The following FGF11 variants were observed in gnomAD, a reference collection of about 807,000 sequenced individuals.
The protein encoded by FGF11 is fibroblast growth factor 11.
Under a neutral mutation model 25.1 loss-of-function variants are expected in FGF11, and 25 were observed. The observed-to-expected ratio is 1.00, with a 90% CI of 0.73 to 1.39. The LOEUF is 1.39. Ranked by LOEUF, FGF11 falls within the 40% of genes most tolerant of loss-of-function variation. FGF11 has a pLI of 0.00. For synonymous variants in FGF11, 130 were observed against 128.9 expected, an observed-to-expected ratio of 1.01 and a Z score of -0.06; for missense variants, 320 against 311.0, an observed-to-expected ratio of 1.03 and a Z score of -0.22.
rs900457103 is a variant in FGF11, at chr17:7,443,228, C to T, written c.*82C>T. 11 of 871,150 alleles carry T rather than the reference C, an allele frequency of 1.3e-5. No homozygotes were observed. The highest frequency in any genetic ancestry group is 9.0e-5 in the Admixed American group (4 of 44,636). The allele number at this position is 871,150 out of a possible 1,614,324, so 54.0% of individuals were successfully genotyped here. On this transcript the variant is annotated 3_prime_UTR_variant, in exon 5 of 5. Coordinates refer to ENST00000293829, the MANE Select transcript of FGF11 (RefSeq NM_004112.4). ...AACCTGTCTCCCAGTCCTGCTCTCA[C>T]CCCTGCTGCCACACACATGCCCTGA...
Position 7,439,713 on chromosome 17 carries a change from TC to T in FGF11, c.97del (p.Arg33AlafsTer74). 4 of 1,570,370 alleles carry T rather than the reference TC, an allele frequency of 2.5e-6. No individual in the cohort carries two copies. The highest frequency in any genetic ancestry group is 2.3e-5 in the South Asian group (2 of 85,820). On this transcript the variant is annotated frameshift_variant, in exon 1 of 5. Coordinates refer to ENST00000293829, the MANE Select transcript of FGF11 (RefSeq NM_004112.4). LOFTEE classifies it high-confidence loss of function. ...RPVSAQRRVCPRGTKSLCQKQ... is the reference protein window; with the variant it reads ...RPVSAQRRVCXRGTKSLCQKQ... The stretch of plus-strand genomic sequence containing the variant: ...CGGTGTCGGCGCAGCGGCGCGTGTG[TC>T]CCCGCGGCACCAAGTCCCTTTGCCA...
At position 7,439,679 on chromosome 17, in the gene FGF11, G is replaced by T; in HGVS notation, c.59G>T (p.Gly20Val). 2.6e-6 allele frequency: 4 copies of T among 1,540,182 alleles called. No homozygotes were observed. Among genetic ancestry groups the T allele is most frequent in the Non-Finnish European group, 3.5e-6 (4 of 1,150,422 alleles). The part of the protein sequence containing the change: ...RQKREVREPG[G>V]SRPVSAQRRV... The stretch of plus-strand genomic sequence containing the variant: ...AAGCGGGAGGTCCGCGAGCCCGGGG[G>T]CAGCCGGCCGGTGTCGGCGCAGCGG... Residue 20 changes from glycine to valine, a missense_variant, in exon 1 of 5, where the codon GGC becomes GTC. Coordinates refer to ENST00000293829, the MANE Select transcript of FGF11 (RefSeq NM_004112.4).
chr17:7,444,684 A>C lies in FGF11; in HGVS notation c.*1538A>C. 1 of 191,820 alleles carries C rather than the reference A, an allele frequency of 5.2e-6. No homozygotes were observed. The highest frequency in any genetic ancestry group is 1.1e-5 in the Non-Finnish European group (1 of 90,694). The allele number at this position is 191,820 out of a possible 1,614,324, so 11.9% of individuals were successfully genotyped here. On this transcript the variant is annotated 3_prime_UTR_variant, in exon 5 of 5. Coordinates refer to ENST00000293829, the MANE Select transcript of FGF11 (RefSeq NM_004112.4). ...GCCTGGAAAAGATGGGGAACCTGCT[A>C]GTGAACTAGGAGGGAGACTTCCATA...
Position 7,439,807 on chromosome 17 carries a change from G to A in FGF11, c.187G>A (p.Gly63Ser). The A allele has an allele frequency of 7.0e-7, 1 of 1,437,030 alleles. No homozygotes were observed. The highest frequency in any genetic ancestry group is 9.1e-7 in the Non-Finnish European group (1 of 1,101,746). 89.0% of individuals were successfully genotyped at this position (1,437,030 alleles called of 1,614,324 possible). ...GGGGCGGCCCGCGCGGCCGGACCGC[G>A]GCCCGGGTGAGTGCGGCTGGGGCGG... The part of the protein sequence containing the change: ...CGGRPARPDR[G>S]PEPQLKGIVT... The change falls in exon 1 of 5, where the codon GGC (glycine) becomes AGC (serine). Residue 63 changes from glycine to serine, a missense_variant. Transcript: ENST00000293829.
chr17:7,442,709 TG>T lies in FGF11; in HGVS notation c.526del (p.Asp176ThrfsTer7), dbSNP rs776827926. ...TCTGGCCGGGCCTGGTACCTCGGCC[TG>T]GACAAGGAGGGCCAGGTCATGAAGG... ...RRSGRAWYLG[L>X]DKEGQVMKGN... On this transcript the variant is annotated frameshift_variant, in exon 4 of 5. Transcript: ENST00000293829. LOFTEE classifies it high-confidence loss of function. 253 of 1,614,046 alleles carry T rather than the reference TG, an allele frequency of 1.6e-4. No homozygotes were observed. The highest frequency in any genetic ancestry group is 2.1e-4 in the Non-Finnish European group (249 of 1,180,018).
In FGF11 at chr17:7,443,143, C is replaced by T. The variant is rs146983043; in HGVS notation, c.675C>T (p.Pro225=). The T allele has an allele frequency of 2.4e-5, 38 of 1,592,160 alleles. No homozygotes were observed. Among genetic ancestry groups the T allele is most frequent in the Middle Eastern group, 1.7e-4 (1 of 6,008 alleles). The change falls in exon 5 of 5, where the codon CCC becomes CCT. Residue 225 remains proline (P), a synonymous_variant. Transcript: ENST00000293829. Reference sequence around the variant, plus strand: ...CCTCCCCTTCCAGTCCCCCTGCCCCCTGAAATGTAGTCCCTGGACTGGAGG... The same window carrying T: ...CCTCCCCTTCCAGTCCCCCTGCCCCTTGAAATGTAGTCCCTGGACTGGAGG... ...PEASPSSPPA[P]
chr17:7,441,648 C>G, intron 2 of FGF11, 67 bp downstream of exon 2: 1 of 1,598,428 alleles, frequency 6.3e-7, no homozygotes, highest in South Asian at 1.1e-5. Context: ...CAATCCTATT[C>G]CCTCTTCAGC....
At position 7,444,311 on chromosome 17, in the gene FGF11, C is replaced by T. The variant is rs1486149138; in HGVS notation, c.*1165C>T. On this transcript the variant is annotated 3_prime_UTR_variant, in exon 5 of 5. Coordinates refer to ENST00000293829, the MANE Select transcript of FGF11 (RefSeq NM_004112.4). ...AATTATGGCATGACTGAACCTGCATCTGTGTTGGGTGGACATGAATACTTA... is the reference window on the plus strand; with the variant it reads ...AATTATGGCATGACTGAACCTGCATTTGTGTTGGGTGGACATGAATACTTA... The T allele has an allele frequency of 6.6e-6, 1 of 152,568 alleles. No individual in the cohort carries two copies. The highest frequency in any genetic ancestry group is 2.4e-5 in the African/African-American group (1 of 41,414). The allele number at this position is 152,568 out of a possible 1,614,324, so 9.5% of individuals were successfully genotyped here.
Position 7,440,821 on chromosome 17 carries a change from G to C in FGF11, c.194-650G>C, listed in dbSNP as rs1352882286. 1.0e-6 allele frequency: 1 copy of C among 987,530 alleles called. No homozygotes were observed. The allele number at this position is 987,530 out of a possible 1,614,324, so 61.2% of individuals were successfully genotyped here. On this transcript the variant is annotated intron_variant, in intron 1 of 4. Coordinates refer to ENST00000293829, the MANE Select transcript of FGF11 (RefSeq NM_004112.4). This position sits in a 1 kb window ranked among gnomAD's most constrained non-coding sequence, Gnocchi z 5.4. ...CTCCCACCCCCCATATCCTTGGTAA[G>C]GTCCCCCTTACCCCAGGCGAGTTAC... is the stretch of plus-strand genomic sequence containing the variant.
Position 7,440,901 on chromosome 17 carries a change from C to T in FGF11, c.194-570C>T, listed in dbSNP as rs1319840505. 3.0e-6 allele frequency: 3 copies of T among 989,044 alleles called. No individual in the cohort carries two copies. Among genetic ancestry groups the T allele is most frequent in the African/African-American group, 3.5e-5 (2 of 57,238 alleles). The allele number at this position is 989,044 out of a possible 1,614,324, so 61.3% of individuals were successfully genotyped here. On this transcript the variant is annotated intron_variant, in intron 1 of 4. Coordinates refer to ENST00000293829, the MANE Select transcript of FGF11 (RefSeq NM_004112.4). This position sits in a 1 kb window ranked among gnomAD's most constrained non-coding sequence, Gnocchi z 5.4. The stretch of plus-strand genomic sequence containing the variant: ...GGAGAACTGGGCCCCCGGGAGCCAG[C>T]GGACTGACAGACAGACAGACAGACA...
rs2150833503 is a variant in FGF11, at chr17:7,440,564, G to A, written c.193+751G>A. On this transcript the variant is annotated intron_variant, in intron 1 of 4. Coordinates refer to ENST00000293829, the MANE Select transcript of FGF11 (RefSeq NM_004112.4). The surrounding 1 kb of genome is among the most constrained non-coding windows in gnomAD (Gnocchi z 5.4). The stretch of plus-strand genomic sequence containing the variant: ...AAGGGGGGACAGGGAAGTCGGCAGA[G>A]AGCAAGCGATGGGGGAGGAGAGTTG... 4.0e-6 allele frequency: 3 copies of A among 744,588 alleles called. No individual in the cohort carries two copies. Among genetic ancestry groups the A allele is most frequent in the South Asian group, 6.0e-5 (1 of 16,532 alleles). The allele number at this position is 744,588 out of a possible 1,614,324, so 46.1% of individuals were successfully genotyped here. A position where few individuals can be genotyped will look rare whatever the true frequency, so the allele number is the denominator to read the frequency against.
intron 1 of FGF11, 181 bp downstream of exon 1, chr17:7,439,994 C>T: frequency 4.3e-6 from 2 of 464,610 alleles, no homozygotes; most frequent in Non-Finnish European, 7.2e-6. Flanking sequence ...GTCCATAACC[C>T]GGAGTCTCCT....
At position 7,440,667 on chromosome 17, in the gene FGF11, CCCCTAAG is replaced by C; in HGVS notation, c.194-803_194-797del. On this transcript the variant is annotated intron_variant, in intron 1 of 4. Transcript: ENST00000293829. This position sits in a 1 kb window ranked among gnomAD's most constrained non-coding sequence, Gnocchi z 5.4. ...GCCCTGCTCCCGCCCGCTCCCAGCTCCCCTAAGGGTAGCCACCTCGCGCCCTCCTCCC... is the reference window on the plus strand; with the variant it reads ...GCCCTGCTCCCGCCCGCTCCCAGCTCGGTAGCCACCTCGCGCCCTCCTCCC... The C allele has an allele frequency of 1.0e-6, 1 of 985,994 alleles. No homozygotes were observed. The highest frequency in any genetic ancestry group is 1.7e-5 in the African/African-American group (1 of 57,256). The allele number at this position is 985,994 out of a possible 1,614,324, so 61.1% of individuals were successfully genotyped here. A position where few individuals can be genotyped will look rare whatever the true frequency, so the allele number is the denominator to read the frequency against.
At position 7,442,793 on chromosome 17, in the gene FGF11, G is replaced by T. The variant is rs1344745471; in HGVS notation, c.607+1G>T. 2 of 1,613,800 alleles carry T rather than the reference G, an allele frequency of 1.2e-6. No homozygotes were observed. Among genetic ancestry groups the T allele is most frequent in the East Asian group, 2.2e-5 (1 of 44,876 alleles). ...CACTTTCTGCCCAAGCTCCTGGAGG[G>T]TGGGTATAGACTCAAGAAAATGTGG... On this transcript the variant is annotated splice_donor_variant, in intron 4 of 4. Coordinates refer to ENST00000293829, the MANE Select transcript of FGF11 (RefSeq NM_004112.4). LOFTEE classifies it high-confidence loss of function.
rs1908216787 is a variant in FGF11 at position 7,439,627 on chromosome 17, G to A, written c.7G>A (p.Ala3Thr). The A allele has an allele frequency of 6.9e-7, 1 of 1,454,132 alleles. No homozygotes were observed. Among genetic ancestry groups the A allele is most frequent in the Non-Finnish European group, 9.0e-7 (1 of 1,112,246 alleles). The allele number at this position is 1,454,132 out of a possible 1,614,324, so 90.1% of individuals were successfully genotyped here. Residue 3 changes from alanine to threonine, a missense_variant, in exon 1 of 5, where the codon GCG becomes ACG. Transcript: ENST00000293829. The part of the protein sequence containing the change: MA[A>T]LASSLIRQKR... ...TGTCTCCTCCCGGGGCGCTATGGCG[G>A]CGCTGGCCAGTAGCCTGATCCGGCA...
chr17:7,440,973 G>T lies in FGF11; in HGVS notation c.194-498G>T, dbSNP rs1028036592. ...CAGGCCGGCGCTGGGCCAAGGCAAG[G>T]CTCTCGCCAAGCTAGCGGCAGCCGC... On this transcript the variant is annotated intron_variant, in intron 1 of 4. Coordinates refer to ENST00000293829, the MANE Select transcript of FGF11 (RefSeq NM_004112.4). The surrounding 1 kb of genome is among the most constrained non-coding windows in gnomAD (Gnocchi z 5.4). 3 of 1,005,368 alleles carry T rather than the reference G, an allele frequency of 3.0e-6. No homozygotes were observed. Among genetic ancestry groups the T allele is most frequent in the African/African-American group, 3.5e-5 (2 of 57,844 alleles). 62.3% of individuals were successfully genotyped at this position (1,005,368 alleles called of 1,614,324 possible).
At chr17:7,442,912 C>A in intron 4 of FGF11, 120 bp downstream of exon 4, 2 of 1,276,306 alleles carry the variant, frequency 1.6e-6, no homozygotes, top group Non-Finnish European at 2.3e-6. Context: ...CAGATCAAGC[C>A]AGGAAGGCTT....
intron 4 of FGF11, 81 bp from the exon 5 acceptor site, chr17:7,442,995 G>C (rs2150835170): frequency 1.6e-6 from 2 of 1,239,790 alleles, no homozygotes; most frequent in East Asian, 2.3e-5. Flanking sequence ...CGGGAAGGGA[G>C]CCCTTTTGGA....
At position 7,440,711 on chromosome 17, in the gene FGF11, C is replaced by T; in HGVS notation, c.194-760C>T. The T allele has an allele frequency of 4.1e-6, 4 of 986,010 alleles. No homozygotes were observed. The highest frequency in any genetic ancestry group is 4.8e-6 in the Non-Finnish European group (4 of 830,446). 61.1% of individuals were successfully genotyped at this position (986,010 alleles called of 1,614,324 possible). A position where few individuals can be genotyped will look rare whatever the true frequency, so the allele number is the denominator to read the frequency against. On this transcript the variant is annotated intron_variant, in intron 1 of 4. Coordinates refer to ENST00000293829, the MANE Select transcript of FGF11 (RefSeq NM_004112.4). This position sits in a 1 kb window ranked among gnomAD's most constrained non-coding sequence, Gnocchi z 5.4. ...CGCGCCCTCCTCCCCGCGCCACCGG[C>T]TGCCCATAGTGGTACAATCCGCAGC...
Sources: allele counts gnomAD v4.1 joint callset, GRCh38; gene constraint gnomAD v4.1.1; non-coding constraint Gnocchi (gnomAD v3.1); transcripts MANE v1.5; gene names NCBI Gene and HGNC (gene_info 2026-07-23, HGNC 2026-07-21).